Variants in KCNIP2 observed in about 807,000 individuals in gnomAD.
KCNIP2 encodes the protein potassium voltage-gated channel interacting protein 2.
Under a neutral mutation model 39.0 loss-of-function variants are expected in KCNIP2, and 19 were observed. The ratio of observed to expected loss-of-function variants is 0.49; its 90% CI spans 0.34 to 0.71. The LOEUF is 0.71. KCNIP2 is among the 30% of genes least tolerant of loss of function. The pLI is 0.01. For missense variants in KCNIP2, 261 were observed against 346.0 expected (o/e 0.75, Z 1.95); for synonymous variants, 111 against 131.2 (o/e 0.85, Z 1.05).
rs2066228516 is a variant in KCNIP2, at chr10:101,838,500, G to C, written c.73+4996C>G. Among the ~76,000 whole-genome samples the C allele has an allele frequency of 6.7e-6, 1 of 148,710 alleles. No homozygotes were observed. Among genetic ancestry groups the C allele is most frequent in the Non-Finnish European group, 1.5e-5 (1 of 67,384 alleles). On this transcript the variant is annotated intron_variant, in intron 1 of 9. Transcript: ENST00000356640. This position sits in a 1 kb window ranked among gnomAD's most constrained non-coding sequence, Gnocchi z 4.0. ...GTCCCCCAGACCCACACCATTCCCA[G>C]CTAGGCCAAAGACACTGCAGCCCCC...
intron 1 of KCNIP2, among the ~76,000 whole-genome samples, chr10:101,841,955 G>A (rs1331539976): frequency 6.6e-6 from 1 of 152,230 alleles, no homozygotes; most frequent in Non-Finnish European, 1.5e-5. Context: ...CCAGCTCTGA[G>A]GCACATCTGG....
At chr10:101,834,493 C>G in intron 1 of KCNIP2, 2 of 397,696 alleles carry the variant, frequency 5.0e-6, no homozygotes, top group Non-Finnish European at 8.9e-6. Context: ...CTCCCACTCT[C>G]CCTCCCAGGA....
At chr10:101,830,023 G>A in intron 2 of KCNIP2, 126 bp from the exon 3 acceptor site, 1 of 1,103,828 alleles carries the variant, frequency 9.1e-7, no homozygotes, top group Non-Finnish European at 1.3e-6. Flanking sequence ...AACCAGCACA[G>A]ACACACACGA....
At chr10:101,841,267 CT>C (rs2066329852) in intron 1 of KCNIP2, among the ~76,000 whole-genome samples, 2 of 152,210 alleles carry the variant, frequency 1.3e-5, no homozygotes, top group East Asian at 3.8e-4. Flanking sequence ...GCAGACTACC[CT>C]AAATCCGATC....
intron 1 of KCNIP2, among the ~76,000 whole-genome samples, chr10:101,840,674 C>A (rs142305535): frequency 2.0e-5 from 3 of 151,908 alleles, no homozygotes; most frequent in Non-Finnish European, 4.4e-5. Flanking sequence ...GGAAAGCCTA[C>A]GGGAGAGATA....
chr10:101,841,091 G>C (rs2066322508), intron 1 of KCNIP2, among the ~76,000 whole-genome samples: 1 of 152,224 alleles, frequency 6.6e-6, no homozygotes, highest in African/African-American at 2.4e-5. Flanking sequence ...GCGGGGCTCG[G>C]ACTGTTTTTT....
chr10:101,827,499 C>A, intron 9 of KCNIP2, 99 bp from the exon 10 acceptor site: 1 of 1,402,102 alleles, frequency 7.1e-7, no homozygotes, highest in South Asian at 1.2e-5. Context: ...CGGGGACATT[C>A]AAAAGCACAG....
Position 101,828,900 on chromosome 10 carries a change from G to C in KCNIP2, c.348+175C>G. ...ATGGAACGAAACTGACAGTCTACAG[G>C]CGCCACTTCCGTTCTGGCCCCGCCC... On this transcript the variant is annotated intron_variant, in intron 4 of 9. Transcript: ENST00000356640. The surrounding 1 kb of genome is among the most constrained non-coding windows in gnomAD (Gnocchi z 6.6). 1 of 1,529,794 alleles carries C rather than the reference G, an allele frequency of 6.5e-7. No individual in the cohort carries two copies. The highest frequency in any genetic ancestry group is 8.8e-7 in the Non-Finnish European group (1 of 1,135,734). The allele number at this position is 1,529,794 out of a possible 1,614,324, so 94.8% of individuals were successfully genotyped here.
intron 1 of KCNIP2, among the ~76,000 whole-genome samples, chr10:101,842,061 T>G (rs1285869176): frequency 1.3e-5 from 2 of 152,026 alleles, no homozygotes; most frequent in Non-Finnish European, 2.9e-5. Context: ...AGACACATGC[T>G]CAAGGCACCT....
intron 2 of KCNIP2, 93 bp downstream of exon 2, chr10:101,830,979 C>T: frequency 8.7e-7 from 1 of 1,150,316 alleles, no homozygotes. Flanking sequence ...CATGCGCACA[C>T]TCGCAGGCCT....
In KCNIP2 at chr10:101,843,587, C is replaced by A; in HGVS notation, c.-19G>T. ...CCCGCATGGCCCCCGGCGCCCCGCT[C>A]CCGCCCGGGCCGTGGGAGGGGGCGC... is the stretch of plus-strand genomic sequence containing the variant. On this transcript the variant is annotated 5_prime_UTR_variant, in exon 1 of 10. Transcript: ENST00000356640. This position sits in a 1 kb window ranked among gnomAD's most constrained non-coding sequence, Gnocchi z 6.7. The A allele has an allele frequency of 6.9e-7, 1 of 1,448,268 alleles. No homozygotes were observed. The highest frequency in any genetic ancestry group is 9.1e-7 in the Non-Finnish European group (1 of 1,099,374). 89.7% of individuals were successfully genotyped at this position (1,448,268 alleles called of 1,614,324 possible).
In KCNIP2 at chr10:101,828,007, A is replaced by T; in HGVS notation, c.598-14T>A. On this transcript the variant is annotated splice_polypyrimidine_tract_variant and intron_variant, in intron 7 of 9. Coordinates refer to ENST00000356640, the MANE Select transcript of KCNIP2 (RefSeq NM_173191.3). This position sits in a 1 kb window ranked among gnomAD's most constrained non-coding sequence, Gnocchi z 6.6. ...GTCAAGCATTTCCTGTTAGGCCAAG[A>T]GAGAAGAGGATCCTTCCTCAGAGCC... The T allele has an allele frequency of 6.2e-7, 1 of 1,605,424 alleles. No homozygotes were observed. Among genetic ancestry groups the T allele is most frequent in the Non-Finnish European group, 8.5e-7 (1 of 1,172,104 alleles).
At position 101,827,190 on chromosome 10, in the gene KCNIP2, C is replaced by T. The variant is rs1156630990; in HGVS notation, c.*163G>A. On this transcript the variant is annotated 3_prime_UTR_variant, in exon 10 of 10. Coordinates refer to ENST00000356640, the MANE Select transcript of KCNIP2 (RefSeq NM_173191.3). ...CACTCTGCCCACTCTCTGGCCCCTT[C>T]AGCTCCAGAGATCTGGACTACTGAA... The T allele has an allele frequency of 1.5e-6, 2 of 1,333,102 alleles. No homozygotes were observed. Among genetic ancestry groups the T allele is most frequent in the Admixed American group, 2.7e-5 (1 of 37,204 alleles). 82.6% of individuals were successfully genotyped at this position (1,333,102 alleles called of 1,614,324 possible).
intron 2 of KCNIP2, 28 bp from the exon 3 acceptor site, chr10:101,829,925 A>T: frequency 6.5e-7 from 1 of 1,541,090 alleles, no homozygotes; most frequent in African/African-American, 1.4e-5. Flanking sequence ...TCACCGAGAA[A>T]GCGGAAGACC....
chr10:101,829,268 C>A, intron 3 of KCNIP2, 69 bp from the exon 4 acceptor site: 1 of 1,507,878 alleles, frequency 6.6e-7, no homozygotes. Flanking sequence ...ATCACTGCCC[C>A]ATTCACCCCC....
chr10:101,832,732 T>C (rs541538598), intron 1 of KCNIP2, among the ~76,000 whole-genome samples: 1 of 152,196 alleles, frequency 6.6e-6, no homozygotes, highest in South Asian at 2.1e-4. Context: ...AATGGTGTAG[T>C]TGCCCGACTC....
At chr10:101,839,925 TGGGCGGCGC>T in intron 1 of KCNIP2, 1 of 1,380,954 alleles carries the variant, frequency 7.2e-7, no homozygotes, top group Non-Finnish European at 9.7e-7. Context: ...TAGGCCCGCG[TGGGCGGCGC>T]GGGAGGGCCG....
Position 101,831,026 on chromosome 10 carries a change from C to T in KCNIP2, c.169+46G>A, listed in dbSNP as rs369079760. 2.4e-4 allele frequency: 364 copies of T among 1,499,060 alleles called. 1 individual carries two copies. The African/African-American group carries it at 4.6e-3, about 19-fold the overall frequency. The allele number at this position is 1,499,060 out of a possible 1,614,324, so 92.9% of individuals were successfully genotyped here. ...GCACACACTCATGCACAGACACGCA[C>T]GCACACATCGAGCCCCGCCCCCGGA... is the stretch of plus-strand genomic sequence containing the variant. On this transcript the variant is annotated intron_variant, in intron 2 of 9. Transcript: ENST00000356640.
chr10:101,837,792 G>C (rs2066209921), intron 1 of KCNIP2, among the ~76,000 whole-genome samples: 1 of 152,146 alleles, frequency 6.6e-6, no homozygotes, highest in African/African-American at 2.4e-5. Context: ...GCTTAGTTTA[G>C]GTAAGGGAGC....
Sources: allele counts gnomAD v4.1 joint callset (sites outside exome capture counted in the v4.1 genomes callset), GRCh38; gene constraint gnomAD v4.1.1; non-coding constraint Gnocchi (gnomAD v3.1); transcripts MANE v1.5; gene names NCBI Gene and HGNC (gene_info 2026-07-23, HGNC 2026-07-21).